NPAS3: variants seen among roughly 807,000 people sequenced by gnomAD.
NPAS3 encodes the protein neuronal PAS domain-containing protein 3.
NPAS3 carries 14 observed loss-of-function variants against 73.1 expected under a neutral mutation model. That is an observed-to-expected ratio of 0.19 (90% CI 0.13 to 0.30). The LOEUF (loss-of-function observed/expected upper bound fraction) is 0.30. NPAS3 is among the 10% of genes least tolerant of loss of function. The probability of loss-of-function intolerance (pLI) is 1.00; values close to 1 mark genes in which losing one functional copy is unlikely to be tolerated. For synonymous variants in NPAS3, 620 were observed against 541.5 expected (o/e 1.14, Z -2.01); for missense variants, 1,096 against 1,250.0 (o/e 0.88, Z 1.86).
chr14:33,546,886 A>C (rs1428579395), intron 4 of NPAS3, among the ~76,000 whole-genome samples: 1 of 152,218 alleles, frequency 6.6e-6, no homozygotes, highest in Non-Finnish European at 1.5e-5. Flanking sequence ...CGTCTAGTAC[A>C]TTAGGCCTGC....
At chr14:33,578,598 A>C (rs1018732997) in intron 5 of NPAS3, among the ~76,000 whole-genome samples, 1 of 152,208 alleles carries the variant, frequency 6.6e-6, no homozygotes, top group African/African-American at 2.4e-5. Context: ...CATAGGCACT[A>C]AACAAATATT....
At chr14:33,737,866 T>A (rs543271073) in intron 7 of NPAS3, among the ~76,000 whole-genome samples, 7 of 152,330 alleles carry the variant, frequency 4.6e-5, no homozygotes. Flanking sequence ...TTCTCTGTAC[T>A]CCCAATATTC....
intron 9 of NPAS3, among the ~76,000 whole-genome samples, chr14:33,782,823 T>TAAAAAAAAAA (rs199704146): frequency 6.1e-5 from 9 of 148,702 alleles, no homozygotes; most frequent in East Asian, 1.9e-4. Context: ...TGTTTTTTTT[T>TAAAAAAAAAA]AAAAAAAAGA....
intron 2 of NPAS3, among the ~76,000 whole-genome samples, chr14:33,143,122 A>G (rs1039104306): frequency 4.0e-5 from 6 of 151,386 alleles, no homozygotes; most frequent in East Asian, 2.0e-4. Context: ...GAAGAAAGAA[A>G]TACCTCTTAA....
chr14:32,981,754 C>CG (rs2037907229), intron 1 of NPAS3, among the ~76,000 whole-genome samples: 1 of 152,004 alleles, frequency 6.6e-6, no homozygotes, highest in Non-Finnish European at 1.5e-5. Context: ...TGGTGTGGAG[C>CG]GGGGGGTGAG....
At chr14:33,027,158 A>T (rs1469407554) in intron 1 of NPAS3, among the ~76,000 whole-genome samples, 1 of 152,194 alleles carries the variant, frequency 6.6e-6, no homozygotes, top group South Asian at 2.1e-4. Flanking sequence ...TTGGCAGGGA[A>T]TTGGGCCACT....
intron 4 of NPAS3, among the ~76,000 whole-genome samples, chr14:33,509,361 C>T (rs1224639330): frequency 6.6e-6 from 1 of 151,672 alleles, no homozygotes. Context: ...TTCTCTTCTC[C>T]TCTATTCCAT....
chr14:33,295,037 G>GA (rs890990007), intron 3 of NPAS3, among the ~76,000 whole-genome samples: 12 of 152,064 alleles, frequency 7.9e-5, no homozygotes, highest in African/African-American at 2.9e-4. Flanking sequence ...TAATTTTATA[G>GA]AAAAAATAGA....
At chr14:33,057,690 A>G (rs2040939641) in intron 2 of NPAS3, among the ~76,000 whole-genome samples, 1 of 152,212 alleles carries the variant, frequency 6.6e-6, no homozygotes, top group Non-Finnish European at 1.5e-5. Flanking sequence ...TGTTATTTGT[A>G]GTCAAGGTAG....
chr14:33,021,768 A>T (rs539225541), intron 1 of NPAS3, among the ~76,000 whole-genome samples: 110 of 152,270 alleles, frequency 7.2e-4, no homozygotes, highest in Middle Eastern at 3.4e-3. Context: ...TAAATAAAAT[A>T]TTTTGTGTTG....
At chr14:33,596,648 C>T (rs1198078486) in intron 5 of NPAS3, among the ~76,000 whole-genome samples, 1 of 152,236 alleles carries the variant, frequency 6.6e-6, no homozygotes, top group African/African-American at 2.4e-5. Context: ...GACCTGTCAA[C>T]ATCTTGAGTC....
intron 7 of NPAS3, among the ~76,000 whole-genome samples, chr14:33,742,136 C>T (rs865795426): frequency 2.0e-5 from 3 of 152,022 alleles, no homozygotes; most frequent in Non-Finnish European, 4.4e-5. Flanking sequence ...GTAAAGCAGA[C>T]CTAAGAACTA....
intron 1 of NPAS3, among the ~76,000 whole-genome samples, chr14:33,051,109 C>G (rs1273360381): frequency 4.7e-5 from 7 of 150,260 alleles, no homozygotes; most frequent in Non-Finnish European, 8.8e-5. Context: ...CCCGTCTCTA[C>G]TAAAAATACA....
intron 11 of NPAS3, 58 bp from the exon 12 acceptor site, chr14:33,799,673 CTGG>C: frequency 6.5e-7 from 1 of 1,534,324 alleles, no homozygotes; most frequent in South Asian, 1.2e-5. Flanking sequence ...CCCCGCTAAC[CTGG>C]TGTCTTCTCT....
intron 3 of NPAS3, among the ~76,000 whole-genome samples, chr14:33,365,334 G>A (rs1018343506): frequency 1.1e-4 from 16 of 151,750 alleles, no homozygotes; most frequent in Middle Eastern, 6.8e-3. Flanking sequence ...TATCAAAAAT[G>A]CCAAAGGAGT....
At chr14:33,699,782 A>G (rs1256780191) in intron 6 of NPAS3, among the ~76,000 whole-genome samples, 1 of 152,184 alleles carries the variant, frequency 6.6e-6, no homozygotes, top group East Asian at 1.9e-4. Context: ...AAATGCAAGC[A>G]GCAGCTGAGC....
At chr14:32,983,867 A>G (rs1412990137) in intron 1 of NPAS3, among the ~76,000 whole-genome samples, 4 of 152,096 alleles carry the variant, frequency 2.6e-5, no homozygotes, top group African/African-American at 7.2e-5. Context: ...GACTACAGGC[A>G]TGTGCCACCA....
chr14:33,630,902 T>C (rs909951614), intron 5 of NPAS3, among the ~76,000 whole-genome samples: 1 of 152,210 alleles, frequency 6.6e-6, no homozygotes, highest in Non-Finnish European at 1.5e-5. Context: ...CAAGGGAAAT[T>C]AGTAAATTCA....
At chr14:33,230,864 C>T (rs113387498) in intron 3 of NPAS3, among the ~76,000 whole-genome samples, 3,133 of 152,222 alleles carry the variant, frequency 0.021, 39 homozygotes, top group Middle Eastern at 0.041. Flanking sequence ...AGTCAGAATG[C>T]AAACCACTTA....
Sources: allele counts gnomAD v4.1 joint callset (sites outside exome capture counted in the v4.1 genomes callset), GRCh38; gene constraint gnomAD v4.1.1; transcripts MANE v1.5; gene names NCBI Gene and HGNC (gene_info 2026-07-23, HGNC 2026-07-21).